Variants in ENO4 observed in about 807,000 individuals in gnomAD.
ENO4 encodes the protein 2-phospho-D-glycerate hydro-lyase.
In ENO4, 53 loss-of-function variants were observed where a neutral mutation model predicts 63.2. The ratio of observed to expected loss-of-function variants is 0.84; its 90% CI spans 0.67 to 1.05. The LOEUF is 1.05. Among genes scored for constraint, ENO4 ranks in the 50% least tolerant of loss-of-function variants. The pLI is 0.00. For missense variants in ENO4, 719 were observed against 772.0 expected (o/e 0.93, Z 0.81); for synonymous variants, 266 against 283.8 (o/e 0.94, Z 0.63).
intron 1 of ENO4, among the ~76,000 whole-genome samples, chr10:116,851,396 A>T (rs545571141): frequency 1.1e-4 from 16 of 152,334 alleles, no homozygotes; most frequent in African/African-American, 2.6e-4. Flanking sequence ...TTGCAGAGGC[A>T]AAAAAGCAAA....
intron 10 of ENO4, among the ~76,000 whole-genome samples, chr10:116,911,017 T>C (rs1848168672): frequency 6.6e-6 from 1 of 152,222 alleles, no homozygotes; most frequent in African/African-American, 2.4e-5. Context: ...ACAACAAACA[T>C]GGGAGTATTC....
intron 1 of ENO4, among the ~76,000 whole-genome samples, chr10:116,851,864 A>C (rs1362029831): frequency 6.6e-6 from 1 of 151,840 alleles, no homozygotes; most frequent in Admixed American, 6.6e-5. Flanking sequence ...TCTGCTCACC[A>C]CATCTCCCCC....
At chr10:116,904,447 T>C (rs1165239814) in intron 10 of ENO4, among the ~76,000 whole-genome samples, 1 of 152,148 alleles carries the variant, frequency 6.6e-6, no homozygotes, top group Non-Finnish European at 1.5e-5. Flanking sequence ...CTTTTTTTTT[T>C]TTCTTTTGCT....
rs557000707 is a variant in ENO4, at chr10:116,861,966, G to C, written c.936+776G>C. Among the ~76,000 whole-genome samples the C allele has an allele frequency of 2.6e-5, 4 of 152,248 alleles. No individual in the cohort carries two copies. In the South Asian group the frequency reaches 8.3e-4, roughly 32 times the overall value. On this transcript the variant is annotated intron_variant, in intron 6 of 13. Transcript: ENST00000341276. ...ATCTGTCAGATCGTATTCAGATCCTGGTGTCAGGATCTTTCCTTTAGTTAG... is the reference window on the plus strand; with the variant it reads ...ATCTGTCAGATCGTATTCAGATCCTCGTGTCAGGATCTTTCCTTTAGTTAG...
chr10:116,891,150 T>C (rs1326979047), intron 10 of ENO4, among the ~76,000 whole-genome samples: 6 of 152,196 alleles, frequency 3.9e-5, no homozygotes, highest in Non-Finnish European at 8.8e-5. Context: ...ACTGATAATA[T>C]AAAGGTGGGA....
At position 116,903,707 on chromosome 10, in the gene ENO4, C is replaced by T. The variant is rs1847844483; in HGVS notation, c.1195-7792C>T. Among the ~76,000 whole-genome samples the T allele has an allele frequency of 2.0e-5, 3 of 152,172 alleles. 1 individual carries two copies. Among genetic ancestry groups the T allele is most frequent in the South Asian group, 4.2e-4 (2 of 4,816 alleles). ...CAGCTCTATTCTGCCCTTGGGTAAG[C>T]GTTGACTACAATACTAGTTAGCTTT... is the stretch of plus-strand genomic sequence containing the variant. On this transcript the variant is annotated intron_variant, in intron 10 of 10. Coordinates refer to the ENO4 transcript ENST00000369207.
At chr10:116,869,258 T>A (rs1308266584) in intron 8 of ENO4, among the ~76,000 whole-genome samples, 4 of 152,174 alleles carry the variant, frequency 2.6e-5, no homozygotes, top group Admixed American at 2.6e-4. Context: ...ACTTGATCTG[T>A]CAGTCACGTT....
Position 116,901,643 on chromosome 10 carries a change from A to C in ENO4, c.1195-9856A>C, listed in dbSNP as rs962695174. ...AAAAGCTGGCCCATCAAATGAAAAG[A>C]AGAAGAGAATTTACCGGCGAGCCAA... On this transcript the variant is annotated intron_variant, in intron 10 of 10. Coordinates refer to the ENO4 transcript ENST00000369207. 120 of 1,355,992 alleles carry C rather than the reference A, an allele frequency of 8.8e-5. 1 individual carries two copies. In the Middle Eastern group the frequency reaches 2.6e-3, roughly 30 times the overall value. 84.0% of individuals were successfully genotyped at this position (1,355,992 alleles called of 1,614,324 possible).
At chr10:116,850,026 G>A (rs1363679713) in intron 1 of ENO4, 1 of 568,638 alleles carries the variant, frequency 1.8e-6, no homozygotes, top group Non-Finnish European at 3.2e-6. Context: ...CGCTGCCTAA[G>A]AGGCCTCTCC....
At chr10:116,890,356 C>T (rs1210653471) in intron 10 of ENO4, among the ~76,000 whole-genome samples, 1 of 152,134 alleles carries the variant, frequency 6.6e-6, no homozygotes, top group Non-Finnish European at 1.5e-5. Context: ...ACAGGGATCA[C>T]CATGGTGAGC....
intron 10 of ENO4, among the ~76,000 whole-genome samples, chr10:116,896,627 GGTGATTAAAATGGGTCAC>G (rs987596351): frequency 6.6e-6 from 1 of 152,156 alleles, no homozygotes; most frequent in African/African-American, 2.4e-5. Context: ...TGAATATAGT[GGTGATTAAAATGGGTCAC>G]GTCATCTTTT....
chr10:116,870,786 A>T (rs1846670713), intron 8 of ENO4, among the ~76,000 whole-genome samples: 1 of 152,172 alleles, frequency 6.6e-6, no homozygotes. Context: ...GGACATTTAC[A>T]GGGAGGGCCT....
In ENO4 at chr10:116,882,431, C is replaced by T. The variant is rs1336287876; in HGVS notation, c.*762C>T. 1.3e-3 allele frequency: 2 copies of T among 1,546 alleles called. No homozygotes were observed. Among genetic ancestry groups the T allele is most frequent in the Non-Finnish European group, 2.3e-3 (2 of 884 alleles). The allele number at this position is 1,546 out of a possible 1,614,324, so 0.1% of individuals were successfully genotyped here. A position where few individuals can be genotyped will look rare whatever the true frequency, so the allele number is the denominator to read the frequency against. The stretch of plus-strand genomic sequence containing the variant: ...AAAAAAAAAAATGATGTGACATATC[C>T]ATTGCCTGAATTGCTCTTTTGTAAG... On this transcript the variant is annotated 3_prime_UTR_variant, in exon 14 of 14. Coordinates refer to ENST00000341276, the MANE Select transcript of ENO4 (RefSeq NM_001242699.2).
chr10:116,900,449 C>T (rs746596729), intron 10 of ENO4: 80 of 1,218,676 alleles, frequency 6.6e-5, no homozygotes, highest in Non-Finnish European at 9.1e-5. Context: ...TATTTCATTT[C>T]CTTTCTTGGA....
At chr10:116,891,433 C>T (rs149213780) in intron 10 of ENO4, among the ~76,000 whole-genome samples, 2 of 152,270 alleles carry the variant, frequency 1.3e-5, no homozygotes, top group East Asian at 1.9e-4. Context: ...GACGCACAGC[C>T]GGACGGTCTG....
intron 10 of ENO4, among the ~76,000 whole-genome samples, chr10:116,904,017 G>A (rs1421473076): frequency 6.6e-6 from 1 of 152,178 alleles, no homozygotes; most frequent in Non-Finnish European, 1.5e-5. Context: ...AAAATCCTAA[G>A]GAAAAGGGTA....
At chr10:116,865,295 C>T (rs1006172520) in intron 7 of ENO4, among the ~76,000 whole-genome samples, 1 of 152,112 alleles carries the variant, frequency 6.6e-6, no homozygotes, top group South Asian at 2.1e-4. Flanking sequence ...TCAAGCGATT[C>T]TCCTGCCTCA....
intron 1 of ENO4, among the ~76,000 whole-genome samples, chr10:116,854,940 C>CAAAAA (rs71013620): frequency 1.0e-3 from 43 of 41,500 alleles, no homozygotes; most frequent in African/African-American, 2.1e-3. Flanking sequence ...GACCCTGTCT[C>CAAAAA]AAAAAAAAAA....
At chr10:116,896,073 T>C (rs1444992618) in intron 10 of ENO4, among the ~76,000 whole-genome samples, 1 of 152,160 alleles carries the variant, frequency 6.6e-6, no homozygotes, top group Admixed American at 6.5e-5. Flanking sequence ...TCCTCTTAGA[T>C]GGATATTATT....
Sources: allele counts gnomAD v4.1 joint callset (sites outside exome capture counted in the v4.1 genomes callset), GRCh38; gene constraint gnomAD v4.1.1; transcripts MANE v1.5; gene names NCBI Gene and HGNC (gene_info 2026-07-23, HGNC 2026-07-21).